The following TMCC1 variants were observed in gnomAD, a reference collection of about 807,000 sequenced individuals.
TMCC1 encodes the protein transmembrane and coiled-coil domains protein 1.
Under a neutral mutation model 52.4 loss-of-function variants are expected in TMCC1, and 15 were observed. The observed-to-expected ratio is 0.29, with a 90% CI of 0.19 to 0.44. The LOEUF (loss-of-function observed/expected upper bound fraction) is 0.44. Ranked by LOEUF, TMCC1 falls within the 20% of genes least tolerant of loss-of-function variation. TMCC1 has a pLI of 1.00. For synonymous variants in TMCC1, 279 were observed against 301.9 expected (o/e 0.92, Z 0.79); for missense variants, 503 against 806.0 (o/e 0.62, Z 4.55).
intron 4 of TMCC1, among the ~76,000 whole-genome samples, chr3:129,717,553 C>T (rs1576563650): frequency 6.6e-6 from 1 of 152,182 alleles, no homozygotes; most frequent in South Asian, 2.1e-4. Context: ...ACACCTGAAA[C>T]TGAACTCCAG....
chr3:129,746,230 G>A (rs759239806), intron 4 of TMCC1, among the ~76,000 whole-genome samples: 8 of 151,962 alleles, frequency 5.3e-5, no homozygotes, highest in Non-Finnish European at 8.8e-5. Context: ...GAGTGCAGTG[G>A]CGTGATCTCA....
chr3:129,746,169 GTTTAA>G (rs2051942574), intron 4 of TMCC1, among the ~76,000 whole-genome samples: 1 of 151,662 alleles, frequency 6.6e-6, no homozygotes, highest in Non-Finnish European at 1.5e-5. Flanking sequence ...TTAAAAACTG[GTTTAA>G]TTTTTTTTTT....
Position 129,671,001 on chromosome 3 carries a change from G to C in TMCC1, c.840C>G (p.Val280=), listed in dbSNP as rs1352554211. Residue 280 remains valine, a synonymous_variant, in exon 5 of 7, where the codon GTC becomes GTG. Coordinates refer to ENST00000393238, the MANE Select transcript of TMCC1 (RefSeq NM_001017395.5). Reference sequence around the variant, plus strand: ...CAGATTTCTGGTTCTTCTTCTCAAAGACTTGCTTGATGCGGGCAGCCTGCT... The same window carrying C: ...CAGATTTCTGGTTCTTCTTCTCAAACACTTGCTTGATGCGGGCAGCCTGCT... ...DKQQAARIKQ[V]FEKKNQKSAQ... The C allele has an allele frequency of 6.2e-7, 1 of 1,614,206 alleles. No individual in the cohort carries two copies. The highest frequency in any genetic ancestry group is 1.7e-5 in the Admixed American group (1 of 60,014).
chr3:129,891,077 G>A (rs1453174476), intron 1 of TMCC1, among the ~76,000 whole-genome samples: 1 of 152,222 alleles, frequency 6.6e-6, no homozygotes, highest in Non-Finnish European at 1.5e-5. Context: ...ATCTGCACCT[G>A]CAGACCTTTG....
intron 4 of TMCC1, among the ~76,000 whole-genome samples, chr3:129,728,536 G>T (rs373702535): frequency 2.0e-5 from 3 of 152,012 alleles, no homozygotes; most frequent in East Asian, 1.9e-4. Context: ...TGCCCATCTC[G>T]GCCTCCCAAA....
chr3:129,711,532 G>T (rs894860629), intron 4 of TMCC1, among the ~76,000 whole-genome samples: 2 of 151,958 alleles, frequency 1.3e-5, no homozygotes, highest in African/African-American at 4.8e-5. Flanking sequence ...TATTACATTG[G>T]ACTTGAAAAT....
At chr3:129,854,345 G>T (rs957122272) in intron 2 of TMCC1, among the ~76,000 whole-genome samples, 4 of 148,908 alleles carry the variant, frequency 2.7e-5, no homozygotes, top group Admixed American at 1.3e-4. Context: ...GCAAGATCAC[G>T]CCACCACACT....
intron 4 of TMCC1, among the ~76,000 whole-genome samples, chr3:129,712,091 C>T (rs1438706521): frequency 1.3e-5 from 2 of 149,932 alleles, no homozygotes; most frequent in African/African-American, 4.9e-5. Context: ...GCAGGAGAAT[C>T]ACTTGAACCC....
chr3:129,658,754 C>T (rs1231285635), intron 5 of TMCC1, among the ~76,000 whole-genome samples: 1 of 152,218 alleles, frequency 6.6e-6, no homozygotes, highest in Non-Finnish European at 1.5e-5. Flanking sequence ...AAATAGGGAA[C>T]TACTTCCTAC....
At chr3:129,709,746 C>T (rs2048524727) in intron 4 of TMCC1, among the ~76,000 whole-genome samples, 1 of 151,862 alleles carries the variant, frequency 6.6e-6, no homozygotes, top group Non-Finnish European at 1.5e-5. Context: ...GCTCTTTATC[C>T]TCAGAAGACT....
intron 2 of TMCC1, among the ~76,000 whole-genome samples, chr3:129,875,609 A>G (rs2061163952): frequency 6.6e-6 from 1 of 152,112 alleles, no homozygotes; most frequent in South Asian, 2.1e-4. Flanking sequence ...CCACTAAAAC[A>G]TAAACTCCAT....
At chr3:129,708,559 A>AATATC (rs529256250) in intron 4 of TMCC1, among the ~76,000 whole-genome samples, 158 of 152,344 alleles carry the variant, frequency 1.0e-3, no homozygotes, top group African/African-American at 3.4e-3. Flanking sequence ...CTTTTCATTT[A>AATATC]TCTAGATTCC....
intron 2 of TMCC1, among the ~76,000 whole-genome samples, chr3:129,865,782 G>A (rs2060595580): frequency 6.6e-6 from 1 of 152,182 alleles, no homozygotes. Context: ...TTGGCTAAAT[G>A]AATGATGGGC....
intron 4 of TMCC1, among the ~76,000 whole-genome samples, chr3:129,677,796 C>T (rs1034076028): frequency 1.7e-4 from 26 of 152,200 alleles, no homozygotes; most frequent in African/African-American, 6.0e-4. Flanking sequence ...AATTACTCTT[C>T]TTACTCTTAA....
chr3:129,718,471 T>A (rs1412282104), intron 4 of TMCC1, among the ~76,000 whole-genome samples: 1 of 152,252 alleles, frequency 6.6e-6, no homozygotes, highest in Non-Finnish European at 1.5e-5. Context: ...CTATTATTTT[T>A]CACTGTGTTT....
intron 4 of TMCC1, among the ~76,000 whole-genome samples, chr3:129,678,456 G>C (rs2088668130): frequency 6.8e-6 from 1 of 147,450 alleles, no homozygotes; most frequent in Non-Finnish European, 1.5e-5. Context: ...CACCCTCTGA[G>C]TTCAAGCAAT....
chr3:129,874,623 G>A (rs2061101346), intron 2 of TMCC1, among the ~76,000 whole-genome samples: 1 of 152,206 alleles, frequency 6.6e-6, no homozygotes, highest in Non-Finnish European at 1.5e-5. Context: ...TTGCAAGGCT[G>A]AGGTGGAATG....
intron 4 of TMCC1, among the ~76,000 whole-genome samples, chr3:129,717,241 A>G (rs2049178460): frequency 6.6e-6 from 1 of 152,150 alleles, no homozygotes; most frequent in African/African-American, 2.4e-5. Flanking sequence ...GAGGTGACCA[A>G]TCATCTCCAA....
chr3:129,735,102 T>C (rs1342392772), intron 4 of TMCC1, among the ~76,000 whole-genome samples: 4 of 152,006 alleles, frequency 2.6e-5, no homozygotes, highest in African/African-American at 4.8e-5. Flanking sequence ...GGGGTTTCAC[T>C]GTGTTAGCCA....
Sources: gnomAD v4.1 joint callset for allele counts (sites outside exome capture counted in the v4.1 genomes callset) on GRCh38, gnomAD v4.1.1 for gene constraint, MANE v1.5 for transcripts, NCBI Gene and HGNC (gene_info 2026-07-23, HGNC 2026-07-21) for gene names.